Variants in SLC13A3 observed in about 807,000 individuals in gnomAD.
SLC13A3 encodes the protein solute carrier family 13 member 3.
SLC13A3 carries 40 observed loss-of-function variants against 59.0 expected under a neutral mutation model. The observed-to-expected ratio is 0.68, with a 90% CI of 0.53 to 0.88. The LOEUF (loss-of-function observed/expected upper bound fraction) is 0.88, where lower values mean the gene tolerates loss of function less well. Ranked by LOEUF, SLC13A3 falls within the 40% of genes least tolerant of loss-of-function variation. The pLI is 0.00. For missense variants in SLC13A3, 699 were observed against 783.2 expected (o/e 0.89, Z 1.28); for synonymous variants, 317 against 330.3 (o/e 0.96, Z 0.44).
At chr20:46,609,630 TC>T (rs1235141340) in intron 3 of SLC13A3, among the ~76,000 whole-genome samples, 1 of 152,236 alleles carries the variant, frequency 6.6e-6, no homozygotes, top group Non-Finnish European at 1.5e-5. Context: ...GAGGTTGTAT[TC>T]TAGATCTCAT....
At chr20:46,618,082 A>T (rs2062579654) in intron 1 of SLC13A3, among the ~76,000 whole-genome samples, 1 of 152,158 alleles carries the variant, frequency 6.6e-6, no homozygotes, top group African/African-American at 2.4e-5. Flanking sequence ...AAATGATATG[A>T]CTATAAGATG....
intron 1 of SLC13A3, among the ~76,000 whole-genome samples, chr20:46,628,292 C>T (rs1017082110): frequency 2.0e-5 from 3 of 152,148 alleles, no homozygotes; most frequent in Non-Finnish European, 4.4e-5. Flanking sequence ...TGCTTTCTTG[C>T]CACTTGTTTC....
At chr20:46,584,802 AC>A (rs1435860198) in intron 8 of SLC13A3, among the ~76,000 whole-genome samples, 1 of 152,212 alleles carries the variant, frequency 6.6e-6, no homozygotes, top group African/African-American at 2.4e-5. Context: ...AAACAGTCGT[AC>A]TTTTGTACAC....
intron 12 of SLC13A3, among the ~76,000 whole-genome samples, chr20:46,562,739 C>T (rs1462989219): frequency 6.6e-6 from 1 of 152,106 alleles, no homozygotes; most frequent in Non-Finnish European, 1.5e-5. Flanking sequence ...GAGTCTCTGT[C>T]TCGTCTCTTC....
intron 3 of SLC13A3, chr20:46,600,506 T>C (rs779132924): frequency 5.0e-5 from 15 of 297,670 alleles, no homozygotes; most frequent in African/African-American, 8.7e-5. Flanking sequence ...CTACCATCCA[T>C]ATGTGAAGAT....
intron 1 of SLC13A3, among the ~76,000 whole-genome samples, chr20:46,681,396 TG>T (rs1399473710): frequency 6.8e-6 from 1 of 148,128 alleles, no homozygotes; most frequent in African/African-American, 2.5e-5. Context: ...GAAGAAAAGA[TG>T]GAAGTAGAGG....
At chr20:46,575,301 C>T (rs954521461) in intron 10 of SLC13A3, among the ~76,000 whole-genome samples, 2 of 152,176 alleles carry the variant, frequency 1.3e-5, no homozygotes, top group Admixed American at 1.3e-4. Context: ...GTCACAGAGC[C>T]CTCGAGTCCT....
intron 1 of SLC13A3, among the ~76,000 whole-genome samples, chr20:46,675,546 C>T (rs148828973): frequency 0.01 from 1,572 of 150,822 alleles, 20 homozygotes; most frequent in African/African-American, 0.035. Flanking sequence ...ATGCCCGGCC[C>T]CTTTTTTTTT....
chr20:46,624,919 G>A (rs1053254896), intron 1 of SLC13A3, among the ~76,000 whole-genome samples: 16 of 152,298 alleles, frequency 1.1e-4, no homozygotes, highest in Admixed American at 5.2e-4. Flanking sequence ...AGGAACTAGA[G>A]GGGGAGCAGC....
At chr20:46,619,592 G>T (rs1352892219) in intron 1 of SLC13A3, among the ~76,000 whole-genome samples, 1 of 152,174 alleles carries the variant, frequency 6.6e-6, no homozygotes, top group Non-Finnish European at 1.5e-5. Flanking sequence ...GGCATTCAAA[G>T]CTTATCAGTG....
rs893596802 is a variant in SLC13A3, at chr20:46,559,132, A to T, written c.*890T>A. On this transcript the variant is annotated 3_prime_UTR_variant, in exon 13 of 13. Transcript: ENST00000279027. ...TTACCACTTAAGGTGGGGCATGGAG[A>T]GATCAAGGCCACCTGCTGGGACAAG... The T allele has an allele frequency of 6.6e-6, 1 of 152,058 alleles. No homozygotes were observed. The highest frequency in any genetic ancestry group is 1.5e-5 in the Non-Finnish European group (1 of 68,042). 9.4% of individuals were successfully genotyped at this position (152,058 alleles called of 1,614,324 possible). A position where few individuals can be genotyped will look rare whatever the true frequency, so the allele number is the denominator to read the frequency against.
intron 3 of SLC13A3, chr20:46,609,080 A>G (rs779555978): frequency 4.3e-5 from 66 of 1,548,554 alleles, no homozygotes; most frequent in Non-Finnish European, 5.0e-5. Context: ...AGGAAGAATC[A>G]ATGCCGGGGT....
chr20:46,592,338 A>G, intron 6 of SLC13A3, 66 bp downstream of exon 6: 1 of 1,586,442 alleles, frequency 6.3e-7, no homozygotes, highest in Non-Finnish European at 8.6e-7. Context: ...TCATAGGCAG[A>G]TACTGAGGTT....
At chr20:46,626,841 C>A (rs56332650) in intron 1 of SLC13A3, among the ~76,000 whole-genome samples, 2,005 of 152,262 alleles carry the variant, frequency 0.013, 23 homozygotes, top group Non-Finnish European at 0.018. Flanking sequence ...GGCCTTTTCC[C>A]CCGTCCAGGT....
Position 46,571,100 on chromosome 20 carries a change from A to G in SLC13A3, c.1332+4473T>C, listed in dbSNP as rs115656777. On this transcript the variant is annotated intron_variant, in intron 10 of 12. Coordinates refer to ENST00000279027, the MANE Select transcript of SLC13A3 (RefSeq NM_022829.6). The stretch of plus-strand genomic sequence containing the variant: ...CGAGCAGAAGGGGGAAAAGCCCCTT[A>G]CAAAAAATCATCAGATCTCTTGAGA... 8.8e-3 allele frequency among the ~76,000 whole-genome samples: 1,333 copies of G among 152,300 alleles called. 25 individuals are homozygous for G. Among genetic ancestry groups the G allele is most frequent in the African/African-American group, 0.03 (1,257 of 41,574 alleles).
chr20:46,646,421 T>C (rs1210308286), intron 1 of SLC13A3, among the ~76,000 whole-genome samples: 1 of 152,246 alleles, frequency 6.6e-6, no homozygotes, highest in African/African-American at 2.4e-5. Flanking sequence ...CAGCATTTTG[T>C]AAATGTGAGA....
chr20:46,570,488 C>T (rs1275295302), intron 10 of SLC13A3, among the ~76,000 whole-genome samples: 1 of 152,178 alleles, frequency 6.6e-6, no homozygotes, highest in Non-Finnish European at 1.5e-5. Flanking sequence ...ACCTTAAATG[C>T]GCTCAGGACA....
intron 1 of SLC13A3, among the ~76,000 whole-genome samples, chr20:46,665,021 G>A (rs934759488): frequency 1.3e-5 from 2 of 151,108 alleles, no homozygotes; most frequent in Non-Finnish European, 2.9e-5. Context: ...TTTAAGCAGA[G>A]TGGCATATTC....
intron 6 of SLC13A3, among the ~76,000 whole-genome samples, chr20:46,591,241 A>G (rs893597226): frequency 1.3e-5 from 2 of 152,192 alleles, no homozygotes; most frequent in Admixed American, 6.5e-5. Context: ...CTAGAAAAAG[A>G]TATCTATGTC....
Sources: gnomAD v4.1 joint callset for allele counts (sites outside exome capture counted in the v4.1 genomes callset) on GRCh38, gnomAD v4.1.1 for gene constraint, MANE v1.5 for transcripts, NCBI Gene and HGNC (gene_info 2026-07-23, HGNC 2026-07-21) for gene names.